ADAMTSL1: variants seen among roughly 807,000 people sequenced by gnomAD.
ADAMTSL1 encodes ADAMTS-like protein 1.
In ADAMTSL1, 126 loss-of-function variants were observed where a neutral mutation model predicts 201.8. The ratio of observed to expected loss-of-function variants is 0.62; its 90% CI spans 0.54 to 0.72. The LOEUF (loss-of-function observed/expected upper bound fraction) is 0.72, where lower values mean the gene tolerates loss of function less well. ADAMTSL1 is among the 30% of genes least tolerant of loss of function. The pLI, the probability that ADAMTSL1 is intolerant of heterozygous loss-of-function variation, is 0.00. For missense variants in ADAMTSL1, 2,679 were observed against 2,277.8 expected (o/e 1.18, Z -3.59); for synonymous variants, 1,121 against 903.4 (o/e 1.24, Z -4.32).
chr9:18,038,792 A>G (rs1415122262), intron 1 of ADAMTSL1, among the ~76,000 whole-genome samples: 1 of 152,204 alleles, frequency 6.6e-6, no homozygotes, highest in Non-Finnish European at 1.5e-5. Context: ...GAAAGTAAAG[A>G]AGATGTGCTT....
At chr9:18,539,082 T>C (rs761693711) in intron 3 of ADAMTSL1, among the ~76,000 whole-genome samples, 12 of 152,182 alleles carry the variant, frequency 7.9e-5, no homozygotes, top group Admixed American at 3.3e-4. Context: ...GCTACTAAAC[T>C]TTCCCATACT....
chr9:18,085,422 C>T (rs952289637), intron 1 of ADAMTSL1, among the ~76,000 whole-genome samples: 2 of 149,416 alleles, frequency 1.3e-5, no homozygotes, highest in African/African-American at 5.0e-5. Context: ...GTGCCTGATA[C>T]ATACTAATTA....
chr9:18,239,075 TA>T (rs1241780578), intron 2 of ADAMTSL1, among the ~76,000 whole-genome samples: 2 of 152,246 alleles, frequency 1.3e-5, no homozygotes, highest in African/African-American at 4.8e-5. Context: ...AAAGTATTGC[TA>T]AAAATGCTAA....
At chr9:18,481,539 T>C (rs1157824650) in intron 1 of ADAMTSL1, among the ~76,000 whole-genome samples, 1 of 152,110 alleles carries the variant, frequency 6.6e-6, no homozygotes, top group East Asian at 1.9e-4. Flanking sequence ...ACAACTCTTC[T>C]GTAGGCAACA....
chr9:18,797,267 G>A lies in ADAMTSL1; in HGVS notation c.3805+1743G>A, dbSNP rs115997257. ...ATAGGTCTGCTGGAAAGTCTATCAA[G>A]CAGTCCCTCTAAAAACAAAGGCTCA... is the stretch of plus-strand genomic sequence containing the variant. On this transcript the variant is annotated intron_variant, in intron 20 of 28. Transcript: ENST00000380548. 5.9e-3 allele frequency among the ~76,000 whole-genome samples: 905 copies of A among 152,304 alleles called. 12 individuals are homozygous for A. Among genetic ancestry groups the A allele is most frequent in the African/African-American group, 0.02 (847 of 41,564 alleles).
At chr9:18,564,395 G>A (rs1023487526) in intron 3 of ADAMTSL1, among the ~76,000 whole-genome samples, 4 of 152,206 alleles carry the variant, frequency 2.6e-5, no homozygotes, top group South Asian at 2.1e-4. Context: ...TGGAAATGCC[G>A]AAATCACCTG....
intron 2 of ADAMTSL1, among the ~76,000 whole-genome samples, chr9:18,294,893 T>C (rs1833412416): frequency 6.6e-6 from 1 of 152,212 alleles, no homozygotes; most frequent in African/African-American, 2.4e-5. Context: ...CTCATTTGGT[T>C]ATATTAGATA....
chr9:18,416,639 G>A (rs892126084), intron 2 of ADAMTSL1, among the ~76,000 whole-genome samples: 2 of 151,928 alleles, frequency 1.3e-5, no homozygotes, highest in African/African-American at 4.8e-5. Flanking sequence ...ATTAATATCA[G>A]GCAAAACAGA....
intron 1 of ADAMTSL1, among the ~76,000 whole-genome samples, chr9:18,117,237 T>C (rs1454034148): frequency 6.6e-6 from 1 of 152,192 alleles, no homozygotes; most frequent in East Asian, 1.9e-4. Flanking sequence ...TTGGCTAATG[T>C]CCTTCTTCTG....
chr9:18,847,511 A>C (rs1259825623), intron 23 of ADAMTSL1, among the ~76,000 whole-genome samples: 1 of 152,256 alleles, frequency 6.6e-6, no homozygotes, highest in African/African-American at 2.4e-5. Flanking sequence ...ATAAAGAAAA[A>C]TAAAGCAGGA....
chr9:18,083,533 T>C (rs1021719283), intron 1 of ADAMTSL1, among the ~76,000 whole-genome samples: 3 of 152,208 alleles, frequency 2.0e-5, no homozygotes, highest in African/African-American at 4.8e-5. Context: ...GTCCAAATGC[T>C]GTAGGTAATT....
chr9:18,481,733 C>T (rs1052291945), intron 1 of ADAMTSL1, among the ~76,000 whole-genome samples: 3 of 152,116 alleles, frequency 2.0e-5, no homozygotes, highest in African/African-American at 7.2e-5. Context: ...TGACTCTGAA[C>T]ATGAAAAGTT....
chr9:17,918,441 C>G (rs1291041498), intron 1 of ADAMTSL1, among the ~76,000 whole-genome samples: 1 of 151,312 alleles, frequency 6.6e-6, no homozygotes, highest in Non-Finnish European at 1.5e-5. Context: ...TGGGGATTAT[C>G]TGGGTATCTT....
chr9:18,519,793 T>G (rs1423361274), intron 2 of ADAMTSL1, among the ~76,000 whole-genome samples: 1 of 152,224 alleles, frequency 6.6e-6, no homozygotes, highest in Non-Finnish European at 1.5e-5. Context: ...TATTGTACAT[T>G]GTCTCATTAG....
chr9:18,316,253 G>A (rs891098321), intron 2 of ADAMTSL1, among the ~76,000 whole-genome samples: 3 of 152,062 alleles, frequency 2.0e-5, no homozygotes, highest in African/African-American at 4.8e-5. Flanking sequence ...ATGAAGTTTC[G>A]GGCACCATTG....
intron 2 of ADAMTSL1, among the ~76,000 whole-genome samples, chr9:18,166,506 G>T (rs1236774951): frequency 6.6e-6 from 1 of 151,732 alleles, no homozygotes; most frequent in African/African-American, 2.4e-5. Context: ...AAAATATTTG[G>T]GATTATCTGT....
At chr9:18,245,567 A>G (rs1056726933) in intron 2 of ADAMTSL1, among the ~76,000 whole-genome samples, 10 of 152,146 alleles carry the variant, frequency 6.6e-5, no homozygotes, top group African/African-American at 2.4e-4. Context: ...GGGTCAGGAT[A>G]TAACTGGGTA....
At chr9:18,262,619 G>C (rs1831967426) in intron 2 of ADAMTSL1, among the ~76,000 whole-genome samples, 2 of 152,068 alleles carry the variant, frequency 1.3e-5, no homozygotes, top group Admixed American at 1.3e-4. Context: ...AAAATGGGAT[G>C]GTTTGGTATA....
intron 16 of ADAMTSL1, among the ~76,000 whole-genome samples, chr9:18,755,363 G>C (rs1819693451): frequency 6.6e-6 from 1 of 152,118 alleles, no homozygotes; most frequent in Admixed American, 6.5e-5. Context: ...GTAGCTTGTT[G>C]CTATTAGGTA....
Sources: gnomAD v4.1 joint callset for allele counts (sites outside exome capture counted in the v4.1 genomes callset) on GRCh38, gnomAD v4.1.1 for gene constraint, MANE v1.5 for transcripts, NCBI Gene and HGNC (gene_info 2026-07-23, HGNC 2026-07-21) for gene names.